The following RAI1 variants were observed in gnomAD, a reference collection of about 807,000 sequenced individuals.
RAI1 encodes retinoic acid-induced protein 1.
A neutral mutation model predicts 123.8 loss-of-function variants in RAI1; 9 were observed. The observed-to-expected ratio is 0.07, with a 90% CI of 0.04 to 0.13. The LOEUF (loss-of-function observed/expected upper bound fraction) is 0.13, where lower values mean the gene tolerates loss of function less well. RAI1 is among the 10% of genes least tolerant of loss of function. RAI1 has a pLI of 1.00. For missense variants in RAI1, 2,256 were observed against 2,545.8 expected (o/e 0.89, Z 2.45); for synonymous variants, 1,231 against 1,127.3 (o/e 1.09, Z -1.84).
intron 2 of RAI1, among the ~76,000 whole-genome samples, chr17:17,780,695 AC>A (rs1196419982): frequency 6.6e-6 from 1 of 152,220 alleles, no homozygotes; most frequent in Non-Finnish European, 1.5e-5. Flanking sequence ...AGGGGGTCAG[AC>A]GGCATCAGCC....
chr17:17,785,254 C>T (rs1056245536), intron 2 of RAI1, among the ~76,000 whole-genome samples: 1 of 152,246 alleles, frequency 6.6e-6, no homozygotes, highest in African/African-American at 2.4e-5. Flanking sequence ...TGCATGCATC[C>T]TGGCCTCCAG....
At chr17:17,757,965 G>C (rs2030514500) in intron 2 of RAI1, among the ~76,000 whole-genome samples, 1 of 152,198 alleles carries the variant, frequency 6.6e-6, no homozygotes, top group Non-Finnish European at 1.5e-5. Flanking sequence ...TCTGCCAAAG[G>C]TGCAGGGAGA....
intron 1 of RAI1, among the ~76,000 whole-genome samples, chr17:17,701,605 T>C (rs1469552840): frequency 1.3e-5 from 2 of 152,212 alleles, no homozygotes; most frequent in Non-Finnish European, 2.9e-5. Flanking sequence ...CTCTTTTTTC[T>C]TTCTTTGAAG....
chr17:17,756,193 A>G (rs2030431156), intron 2 of RAI1, among the ~76,000 whole-genome samples: 2 of 151,318 alleles, frequency 1.3e-5, no homozygotes, highest in South Asian at 4.2e-4. Flanking sequence ...GCAGGAGTGA[A>G]TGAATTTTTT....
chr17:17,724,993 TG>T (rs1366627935), intron 2 of RAI1, among the ~76,000 whole-genome samples: 1 of 98 alleles, frequency 0.01, no homozygotes, highest in East Asian at 0.17. Flanking sequence ...CTCGCACCTC[TG>T]CCGGGGGGAG....
chr17:17,751,094 A>G (rs2030150620), intron 2 of RAI1, among the ~76,000 whole-genome samples: 1 of 152,176 alleles, frequency 6.6e-6, no homozygotes, highest in African/African-American at 2.4e-5. Context: ...AAGTGCTGGC[A>G]TGTTGGCCTT....
intron 2 of RAI1, among the ~76,000 whole-genome samples, chr17:17,743,917 G>A (rs1032415602): frequency 6.6e-6 from 1 of 152,236 alleles, no homozygotes; most frequent in South Asian, 2.1e-4. Context: ...GTAGGAGAGC[G>A]GGCAGGCTCA....
chr17:17,771,198 T>G (rs1427530490), intron 2 of RAI1, among the ~76,000 whole-genome samples: 1 of 152,200 alleles, frequency 6.6e-6, no homozygotes, highest in Non-Finnish European at 1.5e-5. Flanking sequence ...TTTAAAAGCC[T>G]TAGGGAAATC....
At chr17:17,775,202 T>TA (rs376458122) in intron 2 of RAI1, among the ~76,000 whole-genome samples, 25 of 39,582 alleles carry the variant, frequency 6.3e-4, no homozygotes, top group African/African-American at 1.4e-3. Context: ...TCATGTGTAA[T>TA]TTTTTTTTTT....
At chr17:17,738,118 C>G (rs981657064) in intron 2 of RAI1, among the ~76,000 whole-genome samples, 13 of 151,636 alleles carry the variant, frequency 8.6e-5, no homozygotes, top group Non-Finnish European at 1.6e-4. Context: ...GGCCTGAGCA[C>G]TCAGTATGGC....
chr17:17,734,012 G>A (rs538890041), intron 2 of RAI1, among the ~76,000 whole-genome samples: 2 of 152,122 alleles, frequency 1.3e-5, no homozygotes, highest in Non-Finnish European at 2.9e-5. Context: ...TTTTTCTCAC[G>A]TTTTTGGGTG....
chr17:17,690,056 T>C (rs1914784726), intron 1 of RAI1, among the ~76,000 whole-genome samples: 1 of 152,102 alleles, frequency 6.6e-6, no homozygotes, highest in African/African-American at 2.4e-5. Context: ...AAAGTCCGCC[T>C]TTGTCTGGCG....
chr17:17,699,278 G>A (rs1046845198), intron 1 of RAI1, among the ~76,000 whole-genome samples: 1 of 152,180 alleles, frequency 6.6e-6, no homozygotes, highest in Admixed American at 6.5e-5. Context: ...CTTGACTTTG[G>A]AATGCTGGAG....
intron 2 of RAI1, among the ~76,000 whole-genome samples, chr17:17,735,816 G>A (rs764360590): frequency 5.3e-5 from 8 of 152,226 alleles, no homozygotes; most frequent in Non-Finnish European, 8.8e-5. Context: ...AGTGCCTAGG[G>A]CTGTGTATCT....
chr17:17,728,888 C>T (rs1916179438), intron 2 of RAI1, among the ~76,000 whole-genome samples: 1 of 152,204 alleles, frequency 6.6e-6, no homozygotes, highest in Non-Finnish European at 1.5e-5. Context: ...CCACCATGAG[C>T]CCCTACCTCT....
Position 17,793,576 on chromosome 17 carries a change from C to A in RAI1, c.628C>A (p.Pro210Thr), listed in dbSNP as rs1480442331. Reference sequence around the variant, plus strand: ...GCCCTTCCCCCAGGGTACCCACTTTCCTCAGCATTCCCAGTCCTTCCCCAC... The same window carrying A: ...GCCCTTCCCCCAGGGTACCCACTTTACTCAGCATTCCCAGTCCTTCCCCAC... ...PLPFPQGTHFPQHSQSFPTSS... is the reference protein window; with the variant it reads ...PLPFPQGTHFTQHSQSFPTSS... Residue 210 changes from proline to threonine, a missense_variant, in exon 3 of 6, where the codon CCT becomes ACT. By Grantham distance (38) the Pro-to-Thr change is conservative. This residue lies in a region of RAI1 where 336 missense variants were observed against 349.8 expected (regional missense o/e 0.96). Coordinates refer to ENST00000353383, the MANE Select transcript of RAI1 (RefSeq NM_030665.4). 1 of 1,613,786 alleles carries A rather than the reference C, an allele frequency of 6.2e-7. No individual in the cohort carries two copies. The highest frequency in any genetic ancestry group is 2.2e-5 in the East Asian group (1 of 44,898).
intron 2 of RAI1, among the ~76,000 whole-genome samples, chr17:17,769,930 C>CG (rs1274223005): frequency 1.3e-5 from 2 of 152,070 alleles, no homozygotes; most frequent in African/African-American, 2.4e-5. Context: ...TGCGGTCACC[C>CG]GGGAAGAGAG....
intron 2 of RAI1, among the ~76,000 whole-genome samples, chr17:17,773,331 C>G (rs1157912460): frequency 6.6e-6 from 1 of 152,168 alleles, no homozygotes; most frequent in African/African-American, 2.4e-5. Context: ...ACATCAGGCG[C>G]TCCACAGACA....
intron 2 of RAI1, chr17:17,779,492 G>A (rs1193755946): frequency 6.4e-6 from 1 of 157,280 alleles, no homozygotes; most frequent in East Asian, 1.9e-4. Context: ...CGGGGAGGGG[G>A]ATTTAACTGC....
Sources: gnomAD v4.1 joint callset for allele counts (sites outside exome capture counted in the v4.1 genomes callset) on GRCh38, gnomAD v4.1.1 for gene constraint, gnomAD v4.1.1 regional missense constraint, MANE v1.5 for transcripts, NCBI Gene and HGNC (gene_info 2026-07-23, HGNC 2026-07-21) for gene names.